The following DNAH6 variants were observed in gnomAD, a reference collection of about 807,000 sequenced individuals.
The protein encoded by DNAH6 is dynein axonemal heavy chain 6.
Under a neutral mutation model 491.4 loss-of-function variants are expected in DNAH6, and 340 were observed. The observed-to-expected ratio is 0.69, with a 90% CI of 0.63 to 0.76. The LOEUF is 0.76. Among genes scored for constraint, DNAH6 ranks in the 30% least tolerant of loss-of-function variants. DNAH6 has a pLI of 0.00. For synonymous variants in DNAH6, 1,603 were observed against 1,686.1 expected (o/e 0.95, Z 1.21); for missense variants, 4,443 against 4,972.2 (o/e 0.89, Z 3.20).
intron 22 of DNAH6, among the ~76,000 whole-genome samples, chr2:84,615,246 AC>A (rs1180559801): frequency 2.6e-5 from 4 of 152,094 alleles, no homozygotes; most frequent in Admixed American, 2.6e-4. Context: ...TCATTCTTCT[AC>A]ATGTGGCTTG....
intron 65 of DNAH6, among the ~76,000 whole-genome samples, chr2:84,784,286 G>A (rs1368128902): frequency 7.2e-5 from 11 of 151,816 alleles, no homozygotes; most frequent in African/African-American, 2.4e-4. Context: ...CAACTTTTCT[G>A]CTGAGGGGAG....
At chr2:84,475,807 A>G in the DNAH6 span, among the ~76,000 whole-genome samples, 5 of 152,364 alleles carry the variant, frequency 3.3e-5, no homozygotes, top group East Asian at 5.8e-4. Context: ...AATAAAATCA[A>G]TATATGATTC....
chr2:84,606,991 A>C lies in DNAH6; in HGVS notation c.3190A>C (p.Ser1064Arg), dbSNP rs1438869687. 1 of 1,551,048 alleles carries C rather than the reference A, an allele frequency of 6.4e-7. No individual in the cohort carries two copies. The highest frequency in any genetic ancestry group is 8.7e-7 in the Non-Finnish European group (1 of 1,146,586). ...TCCTTTAAAGGTCCTTCTTGATGAT[A>C]GCACCATCAATGTTGCAACTCTTGC... ...TDDIQVLLDDSTINVATLASS... is the reference protein window; with the variant it reads ...TDDIQVLLDDRTINVATLASS... The change falls in exon 21 of 77, where the codon AGC becomes CGC. Residue 1064 changes from serine to arginine, a missense_variant. Transcript: ENST00000389394.
intron 34 of DNAH6, 139 bp from the exon 35 acceptor site, chr2:84,654,521 C>A (rs1041432265): frequency 8.1e-6 from 9 of 1,113,870 alleles, no homozygotes; most frequent in Non-Finnish European, 1.1e-5. Context: ...TTATTGCTCT[C>A]CCACTCTCTT....
intron 55 of DNAH6, 34 bp downstream of exon 55, chr2:84,709,580 G>C (rs1402727408): frequency 1.3e-6 from 2 of 1,548,366 alleles, no homozygotes; most frequent in Non-Finnish European, 1.7e-6. Flanking sequence ...GTGGCTTTTG[G>C]TTCTGCTTAA....
intron 58 of DNAH6, among the ~76,000 whole-genome samples, 189 bp downstream of exon 58, chr2:84,715,816 T>C (rs771691409): frequency 1.3e-5 from 2 of 152,194 alleles, no homozygotes; most frequent in Non-Finnish European, 2.9e-5. Context: ...GCAGCTGATC[T>C]TGTCTACCGT....
At chr2:84,604,855 C>T (rs1334106186) in intron 19 of DNAH6, among the ~76,000 whole-genome samples, 1 of 152,100 alleles carries the variant, frequency 6.6e-6, no homozygotes, top group Non-Finnish European at 1.5e-5. Flanking sequence ...TCCAAGCTAC[C>T]AGAGAAATCT....
intron 37 of DNAH6, among the ~76,000 whole-genome samples, chr2:84,661,650 C>G (rs559566775): frequency 6.6e-6 from 1 of 152,248 alleles, no homozygotes; most frequent in Admixed American, 6.5e-5. Flanking sequence ...TTTAAAACAT[C>G]TGTATAAATG....
At chr2:84,682,059 T>C (rs1323392427) in intron 42 of DNAH6, among the ~76,000 whole-genome samples, 4 of 152,240 alleles carry the variant, frequency 2.6e-5, no homozygotes, top group Non-Finnish European at 5.9e-5. Context: ...CCCATTTCTC[T>C]GCTCTTTCTA....
intron 15 of DNAH6, among the ~76,000 whole-genome samples, chr2:84,585,771 C>T (rs1573110584): frequency 6.6e-6 from 1 of 152,184 alleles, no homozygotes; most frequent in African/African-American, 2.4e-5. Context: ...CCCTCTGCAG[C>T]TGGTTGTCCC....
At chr2:84,745,814 G>A (rs747613816) in intron 63 of DNAH6, among the ~76,000 whole-genome samples, 29 of 152,158 alleles carry the variant, frequency 1.9e-4, no homozygotes, top group Non-Finnish European at 4.0e-4. Context: ...CTGCTGGAGG[G>A]ATGGAGTCTG....
chr2:84,668,271 T>C (rs1418253629), intron 37 of DNAH6, among the ~76,000 whole-genome samples: 1 of 151,970 alleles, frequency 6.6e-6, no homozygotes, highest in Non-Finnish European at 1.5e-5. Flanking sequence ...TGGATAACAA[T>C]AAAAAAAGAA....
chr2:84,507,584 C>T, the DNAH6 span, among the ~76,000 whole-genome samples: 8 of 152,078 alleles, frequency 5.3e-5, no homozygotes, highest in Non-Finnish European at 1.2e-4. Context: ...ATTGCCCTGG[C>T]CAGAACTTCC....
Position 84,703,453 on chromosome 2 carries a change from A to T in DNAH6, c.8120A>T (p.Asp2707Val), listed in dbSNP as rs1696125109. ...TKLLETNILVDKMKLDLSALE... is the reference protein window; with the variant it reads ...TKLLETNILVVKMKLDLSALE... ...CTACTAGAAACAAACATACTAGTAG[A>T]TAAAATGAAACTAGATCTTTCAGCT... The change falls in exon 50 of 77, where the codon GAT becomes GTT. Residue 2707 changes from aspartate to valine, a missense_variant. Asp to Val is a radical substitution (Grantham distance 152, BLOSUM62 -3). Transcript: ENST00000389394. The T allele has an allele frequency of 2.6e-6, 4 of 1,549,970 alleles. No homozygotes were observed. Among genetic ancestry groups the T allele is most frequent in the Non-Finnish European group, 3.5e-6 (4 of 1,145,954 alleles).
At chr2:84,628,057 C>A (rs1382447873) in intron 29 of DNAH6, among the ~76,000 whole-genome samples, 5 of 152,056 alleles carry the variant, frequency 3.3e-5, no homozygotes, top group Non-Finnish European at 7.3e-5. Context: ...AAGAAAACAG[C>A]AAGGTCACAT....
In DNAH6 at chr2:84,781,549, A is replaced by C; in HGVS notation, c.10760A>C (p.Lys3587Thr). Residue 3587 changes from lysine to threonine, a missense_variant, in exon 65 of 77, where the codon AAG (lysine) becomes ACG (threonine). Coordinates refer to ENST00000389394, the MANE Select transcript of DNAH6 (RefSeq NM_001370.2). ...GGACCTATTGCTGAAAAAATGGTCA[A>C]GGATGCAATGAAATCAGGAAACTGG... ...GQGPIAEKMV[K>T]DAMKSGNWVF... 6.4e-7 allele frequency: 1 copy of C among 1,551,698 alleles called. No homozygotes were observed. Among genetic ancestry groups the C allele is most frequent in the South Asian group, 1.2e-5 (1 of 84,052 alleles).
At chr2:84,785,552 A>C in intron 66 of DNAH6, 58 bp from the exon 67 acceptor site, 1 of 1,434,632 alleles carries the variant, frequency 7.0e-7, no homozygotes, top group Non-Finnish European at 9.2e-7. Context: ...TGTTATTCAG[A>C]AATAATGCAA....
In DNAH6 at chr2:84,528,967, G is replaced by T. The variant is rs1470086859; in HGVS notation, c.463G>T (p.Gly155Ter). Residue 155 changes from glycine (G) to a stop codon, truncating the protein, a stop_gained, in exon 4 of 77, where the codon GGA becomes TGA. Coordinates refer to ENST00000389394, the MANE Select transcript of DNAH6 (RefSeq NM_001370.2). LOFTEE classifies it high-confidence loss of function. ...SPPKLPHTGI[G>*]KRGLFGTRSS... ...TCCTAAACTGCCACATACTGGTATT[G>T]GAAAAAGAGGTCTCTTTGGGACTAG... The T allele has an allele frequency of 1.3e-6, 2 of 1,549,570 alleles. No individual in the cohort carries two copies. Among genetic ancestry groups the T allele is most frequent in the Non-Finnish European group, 1.7e-6 (2 of 1,146,400 alleles).
In DNAH6 at chr2:84,517,866, A is replaced by G. The variant is rs1349718878; in HGVS notation, c.40A>G (p.Asn14Asp). 2 of 1,551,644 alleles carry G rather than the reference A, an allele frequency of 1.3e-6. No individual in the cohort carries two copies. The highest frequency in any genetic ancestry group is 1.4e-5 in the African/African-American group (1 of 73,048). Residue 14 changes from asparagine (N) to aspartate (D), a missense_variant, in exon 2 of 77, where the codon AAT becomes GAT. Asn to Asp is a conservative substitution (Grantham distance 23, BLOSUM62 1). Transcript: ENST00000389394. ...CACAGATAGTGAATTTGACCTGACA[A>G]ATATTGAAGAGTATGCCGAAAATTC... ...RATDSEFDLT[N>D]IEEYAENSAL...
Sources: gnomAD v4.1 joint callset for allele counts (sites outside exome capture counted in the v4.1 genomes callset) on GRCh38, gnomAD v4.1.1 for gene constraint, MANE v1.5 for transcripts, NCBI Gene and HGNC (gene_info 2026-07-23, HGNC 2026-07-21) for gene names.